Variants in ADH7 observed in about 807,000 individuals in gnomAD.
ADH7 encodes all-trans-retinol dehydrogenase [NAD(+)] ADH7.
A neutral mutation model predicts 34.4 loss-of-function variants in ADH7; 41 were observed. That is an observed-to-expected ratio of 1.19 (90% CI 0.93 to 1.55). ADH7 has a LOEUF of 1.55. ADH7 is among the 40% of genes most tolerant of loss of function. ADH7 has a pLI of 0.00. For missense variants in ADH7, 540 were observed against 461.2 expected (o/e 1.17, Z -1.56); for synonymous variants, 180 against 160.9 (o/e 1.12, Z -0.90).
chr4:99,417,666 G>C (rs974129119), intron 7 of ADH7, among the ~76,000 whole-genome samples: 1 of 152,002 alleles, frequency 6.6e-6, no homozygotes, highest in Non-Finnish European at 1.5e-5. Flanking sequence ...TCAGGGACTT[G>C]GTATGTTTTG....
intron 7 of ADH7, among the ~76,000 whole-genome samples, chr4:99,417,531 C>T (rs1275634747): frequency 1.3e-5 from 2 of 152,178 alleles, no homozygotes; most frequent in African/African-American, 4.8e-5. Context: ...AGTCCTCTGG[C>T]ACTGCCCGTT....
Position 99,412,876 on chromosome 4 carries a change from A to G in ADH7, c.*272T>C, listed in dbSNP as rs1021490075. 2.0e-5 allele frequency: 7 copies of G among 352,120 alleles called. No homozygotes were observed. Among genetic ancestry groups the G allele is most frequent in the Non-Finnish European group, 2.5e-5 (5 of 196,446 alleles). The allele number at this position is 352,120 out of a possible 1,614,324, so 21.8% of individuals were successfully genotyped here. ...TAAAAATCTCCATTTCAACATAGAA[A>G]TCCAAGTGTATGTTTTCTTAAAAGA... is the stretch of plus-strand genomic sequence containing the variant. On this transcript the variant is annotated 3_prime_UTR_variant, in exon 9 of 9. Transcript: ENST00000437033.
intron 5 of ADH7, among the ~76,000 whole-genome samples, chr4:99,424,137 T>C (rs1721740385): frequency 6.6e-6 from 1 of 152,218 alleles, no homozygotes; most frequent in African/African-American, 2.4e-5. Flanking sequence ...AAATAGGGAA[T>C]CCCTTCCCCA....
At chr4:99,425,735 A>G (rs1452231739) in intron 5 of ADH7, among the ~76,000 whole-genome samples, 2 of 152,234 alleles carry the variant, frequency 1.3e-5, no homozygotes, top group Non-Finnish European at 2.9e-5. Flanking sequence ...AGAACTCTCC[A>G]GCCCAAATCA....
chr4:99,425,088 C>A (rs914761380), intron 5 of ADH7, among the ~76,000 whole-genome samples: 6 of 151,966 alleles, frequency 3.9e-5, no homozygotes, highest in Non-Finnish European at 7.4e-5. Context: ...ACAACCGGTA[C>A]CAGCTGCTGC....
chr4:99,416,786 A>G (rs780294867), intron 7 of ADH7, among the ~76,000 whole-genome samples: 5 of 152,076 alleles, frequency 3.3e-5, no homozygotes, highest in Admixed American at 1.3e-4. Flanking sequence ...TTTTATAGAC[A>G]TCTTTATTCA....
At chr4:99,420,908 C>A (rs1237383099) in intron 5 of ADH7, 115 bp from the exon 6 acceptor site, 3 of 931,360 alleles carry the variant, frequency 3.2e-6, no homozygotes, top group South Asian at 1.7e-5. Context: ...ACAATTGCTA[C>A]AAAGAGAATA....
chr4:99,424,704 G>C (rs889868162), intron 5 of ADH7, among the ~76,000 whole-genome samples: 1 of 152,058 alleles, frequency 6.6e-6, no homozygotes, highest in African/African-American at 2.4e-5. Flanking sequence ...AAGAATGCTT[G>C]TGATTTTTGT....
chr4:99,420,495 C>T (rs764681379), intron 6 of ADH7, 38 bp downstream of exon 6: 42 of 1,597,180 alleles, frequency 2.6e-5, no homozygotes, highest in Admixed American at 1.7e-5. Context: ...TGTCTAATAA[C>T]TTGGGTATTT....
rs112656015 is a variant in ADH7 at position 99,421,355 on chromosome 4, C to T, written c.565-562G>A. On this transcript the variant is annotated intron_variant, in intron 5 of 8. Coordinates refer to ENST00000437033, the MANE Select transcript of ADH7 (RefSeq NM_000673.7). Reference sequence around the variant, plus strand: ...CCTCAGAAATAACACCACACATCTACAATCATTTGCTCTTCAACAAATCTG... The same window carrying T: ...CCTCAGAAATAACACCACACATCTATAATCATTTGCTCTTCAACAAATCTG... 5.9e-3 allele frequency among the ~76,000 whole-genome samples: 905 copies of T among 152,268 alleles called. 7 individuals carry two copies. Among genetic ancestry groups the T allele is most frequent in the African/African-American group, 0.02 (816 of 41,548 alleles).
At chr4:99,423,686 G>A (rs1404445850) in intron 5 of ADH7, among the ~76,000 whole-genome samples, 2 of 152,208 alleles carry the variant, frequency 1.3e-5, no homozygotes, top group African/African-American at 4.8e-5. Context: ...CTTTTCAGAA[G>A]TGTCTGTTCC....
chr4:99,431,951 C>G (rs111325698), intron 1 of ADH7, among the ~76,000 whole-genome samples: 8,093 of 152,220 alleles, frequency 0.053, 333 homozygotes, highest in Middle Eastern at 0.1. Context: ...TTTGACCCAG[C>G]AATCCCATTA....
rs1560564402 is a variant in ADH7, at chr4:99,428,181, G to GA, written c.260-8dup. 1.2e-6 allele frequency: 2 copies of GA among 1,610,042 alleles called. No individual in the cohort carries two copies. Among genetic ancestry groups the GA allele is most frequent in the East Asian group, 2.2e-5 (1 of 44,838 alleles). ...AGAGGGATGACTTTGTCACCTACAG[G>GA]AAAAAAATCATGATATAAGATGCTG... On this transcript the variant is annotated splice_region_variant and splice_polypyrimidine_tract_variant and intron_variant, in intron 3 of 8. Transcript: ENST00000437033.
chr4:99,428,821 A>G (rs1721877078), intron 2 of ADH7, among the ~76,000 whole-genome samples, 191 bp from the exon 3 acceptor site: 1 of 152,196 alleles, frequency 6.6e-6, no homozygotes, highest in Non-Finnish European at 1.5e-5. Flanking sequence ...CGGAACTTAT[A>G]ATATTGCTCC....
chr4:99,415,290 A>G, intron 8 of ADH7, 188 bp downstream of exon 8: 1 of 584,596 alleles, frequency 1.7e-6, no homozygotes, highest in Admixed American at 3.4e-5. Context: ...AGTCTCGGGC[A>G]GTTTTTTTTT....
chr4:99,416,462 G>A (rs1337053380), intron 7 of ADH7, among the ~76,000 whole-genome samples: 1 of 152,028 alleles, frequency 6.6e-6, no homozygotes, highest in East Asian at 1.9e-4. Context: ...GATACTGTTG[G>A]TGGCTCCCCT....
rs1721866308 is a variant in ADH7, at chr4:99,428,537, C to CA, written c.213dup (p.Gly72TrpfsTer17). 6.2e-7 allele frequency: 1 copy of CA among 1,613,792 alleles called. No homozygotes were observed. Among genetic ancestry groups the CA allele is most frequent in the South Asian group, 1.1e-5 (1 of 91,080 alleles). ...CCTTCTCCAATGCTCTCTACAATCC[C>CA]AGTTGCCTCATGTCCCACAATCACT... is the stretch of plus-strand genomic sequence containing the variant. On this transcript the variant is annotated frameshift_variant, in exon 3 of 9. Transcript: ENST00000437033. LOFTEE classifies it high-confidence loss of function.
intron 8 of ADH7, among the ~76,000 whole-genome samples, chr4:99,413,625 G>A (rs1419230347): frequency 1.3e-5 from 2 of 152,128 alleles, no homozygotes; most frequent in African/African-American, 4.8e-5. Flanking sequence ...AATAATAAAG[G>A]CTTTCAAAAC....
At chr4:99,422,115 AC>A (rs1721679561) in intron 5 of ADH7, among the ~76,000 whole-genome samples, 3 of 152,268 alleles carry the variant, frequency 2.0e-5, no homozygotes, top group African/African-American at 7.2e-5. Context: ...AGGATCTAGA[AC>A]CAGAAATATC....
Sources: allele counts gnomAD v4.1 joint callset (sites outside exome capture counted in the v4.1 genomes callset), GRCh38; gene constraint gnomAD v4.1.1; transcripts MANE v1.5; gene names NCBI Gene and HGNC (gene_info 2026-07-23, HGNC 2026-07-21).